Variants in USP32 observed in about 807,000 individuals in gnomAD.
USP32 encodes ubiquitin carboxyl-terminal hydrolase 32.
In USP32, 59 loss-of-function variants were observed where a neutral mutation model predicts 204.8. The ratio of observed to expected loss-of-function variants is 0.29; its 90% CI spans 0.23 to 0.36. The LOEUF (loss-of-function observed/expected upper bound fraction) is 0.36, where lower values mean the gene tolerates loss of function less well. Ranked by LOEUF, USP32 falls within the 10% of genes least tolerant of loss-of-function variation. USP32 has a pLI of 1.00. For synonymous variants in USP32, 517 were observed against 678.4 expected (o/e 0.76, Z 3.70); for missense variants, 1,160 against 1,946.4 (o/e 0.60, Z 7.60).
intron 2 of USP32, among the ~76,000 whole-genome samples, chr17:60,332,279 C>A (rs936719348): frequency 6.6e-6 from 1 of 151,612 alleles, no homozygotes; most frequent in Non-Finnish European, 1.5e-5. Context: ...TACAGTCAAT[C>A]GGTTTTGTCA....
intron 11 of USP32, 64 bp from the exon 12 acceptor site, chr17:60,236,304 A>G: frequency 2.2e-6 from 3 of 1,370,520 alleles, no homozygotes; most frequent in East Asian, 2.3e-5. Flanking sequence ...ACGCACAAAA[A>G]TTATCATTAG....
In USP32 at chr17:60,391,877, C is replaced by A; in HGVS notation, c.58+5G>T. The A allele has an allele frequency of 6.2e-7, 1 of 1,610,366 alleles. No individual in the cohort carries two copies. The highest frequency in any genetic ancestry group is 8.5e-7 in the Non-Finnish European group (1 of 1,178,548). On this transcript the variant is annotated splice_donor_5th_base_variant and intron_variant, in intron 1 of 33. Transcript: ENST00000300896. ...GGCAGCTCGCCCAGACCCCTCCCCC[C>A]TCACCTCTCCTCAGCGCCTCCTCGT...
At chr17:60,309,564 T>C (rs1320596943) in intron 2 of USP32, among the ~76,000 whole-genome samples, 1 of 152,118 alleles carries the variant, frequency 6.6e-6, no homozygotes, top group African/African-American at 2.4e-5. Flanking sequence ...ACTGCACTAC[T>C]GCTCTCCAGT....
chr17:60,299,928 G>T (rs1401433219), intron 3 of USP32, among the ~76,000 whole-genome samples: 1 of 152,014 alleles, frequency 6.6e-6, no homozygotes, highest in Middle Eastern at 3.2e-3. Context: ...TCTCTCTGGG[G>T]CCTCTTTTAT....
intron 5 of USP32, among the ~76,000 whole-genome samples, chr17:60,277,918 CTT>C (rs11422765): frequency 3.8e-4 from 50 of 132,668 alleles, no homozygotes; most frequent in African/African-American, 1.1e-3. Context: ...ATAATAGTTC[CTT>C]TTTTTTTTTT....
chr17:60,296,990 G>C (rs896119418), intron 3 of USP32, among the ~76,000 whole-genome samples: 6 of 152,042 alleles, frequency 3.9e-5, no homozygotes, highest in Admixed American at 2.0e-4. Flanking sequence ...CAACTAACCA[G>C]CATTAAAAAT....
chr17:60,312,435 G>A (rs573580638), intron 2 of USP32, among the ~76,000 whole-genome samples: 25 of 151,816 alleles, frequency 1.6e-4, no homozygotes, highest in South Asian at 1.0e-3. Context: ...TGTCGTTGTC[G>A]TTGTTGTTGA....
intron 11 of USP32, among the ~76,000 whole-genome samples, chr17:60,241,316 T>C (rs1007601162): frequency 5.9e-5 from 9 of 152,142 alleles, no homozygotes; most frequent in Non-Finnish European, 1.0e-4. Flanking sequence ...CACAACTCTA[T>C]AAATAAGGTA....
chr17:60,348,397 G>C (rs78305932), intron 1 of USP32, among the ~76,000 whole-genome samples: 1 of 152,106 alleles, frequency 6.6e-6, no homozygotes, highest in Non-Finnish European at 1.5e-5. Context: ...GAATAGTCAG[G>C]AGAAAAGAAG....
chr17:60,294,146 T>G (rs542659733), intron 4 of USP32, among the ~76,000 whole-genome samples: 1 of 152,276 alleles, frequency 6.6e-6, no homozygotes, highest in South Asian at 2.1e-4. Flanking sequence ...GCTCAAGAGA[T>G]CTTCTCACCT....
intron 12 of USP32, among the ~76,000 whole-genome samples, chr17:60,235,153 C>T (rs2085688505): frequency 6.6e-6 from 1 of 152,166 alleles, no homozygotes; most frequent in African/African-American, 2.4e-5. Flanking sequence ...CAAGACAAAA[C>T]TAGGTTATTC....
upstream of USP32, among the ~76,000 whole-genome samples, chr17:60,392,970 A>G (rs893541886): frequency 2.0e-5 from 3 of 152,096 alleles, no homozygotes; most frequent in East Asian, 3.9e-4. Context: ...GTGGTAAAAT[A>G]TACGTAACAA....
chr17:60,404,629 A>G (rs189672203), intron 1 of USP32, among the ~76,000 whole-genome samples: 11 of 152,306 alleles, frequency 7.2e-5, no homozygotes, highest in Admixed American at 7.2e-4. Flanking sequence ...TCTTGAAGCT[A>G]TGTATGGTTT....
At chr17:60,414,229 G>A (rs138206764) in intron 1 of USP32, among the ~76,000 whole-genome samples, 234 of 151,060 alleles carry the variant, frequency 1.5e-3, no homozygotes, top group African/African-American at 4.8e-3. Context: ...TAGGCATGGT[G>A]GCATAAGCCT....
chr17:60,327,397 A>T (rs2088268047), intron 2 of USP32, among the ~76,000 whole-genome samples: 1 of 120,904 alleles, frequency 8.3e-6, no homozygotes, highest in African/African-American at 3.2e-5. Context: ...ACAGCTGTCA[A>T]TGTGGGTTGG....
rs370316129 is a variant in USP32 at position 60,179,274 on chromosome 17, T to G, written c.4796A>C (p.Lys1599Thr). The G allele has an allele frequency of 1.5e-5, 25 of 1,613,842 alleles. No individual in the cohort carries two copies. The highest frequency in any genetic ancestry group is 2.1e-5 in the Non-Finnish European group (25 of 1,179,850). The change falls in exon 34 of 34, where the codon AAG (lysine) becomes ACG (threonine). Residue 1599 changes from lysine to threonine, a missense_variant. Lys to Thr is a moderately conservative substitution (Grantham distance 78). Around this residue, in one of 8 missense-constraint regions of USP32, gnomAD observed 3 missense variants for 17.0 expected, o/e 0.18. Coordinates refer to ENST00000300896, the MANE Select transcript of USP32 (RefSeq NM_032582.4). Reference protein sequence around the residue: ...MDEDFESDYKKYCVLQ With the variant: ...MDEDFESDYKTYCVLQ ...GTAGCTTTACTGTAACACACAGTAC[T>G]TTTTGTAATCAGACTCAAAGTCTTC... is the stretch of plus-strand genomic sequence containing the variant.
chr17:60,307,067 T>C (rs1235471702), intron 2 of USP32, among the ~76,000 whole-genome samples: 1 of 151,906 alleles, frequency 6.6e-6, no homozygotes, highest in East Asian at 1.9e-4. Flanking sequence ...GTATTCTATG[T>C]TCATGGATTG....
At chr17:60,268,407 TA>T (rs35476884) in intron 7 of USP32, among the ~76,000 whole-genome samples, 40,700 of 138,284 alleles carry the variant, frequency 0.29, 9,377 homozygotes, top group African/African-American at 0.65. Flanking sequence ...TATCTCTATT[TA>T]AAAAAAAAAA....
chr17:60,323,449 G>A (rs1355568005), intron 2 of USP32, among the ~76,000 whole-genome samples: 3 of 152,132 alleles, frequency 2.0e-5, no homozygotes, highest in Admixed American at 6.6e-5. Flanking sequence ...ATATTAGTTG[G>A]CCAAAGGCTG....
Sources: gnomAD v4.1 joint callset for allele counts (sites outside exome capture counted in the v4.1 genomes callset) on GRCh38, gnomAD v4.1.1 for gene constraint, gnomAD v4.1.1 regional missense constraint, MANE v1.5 for transcripts, NCBI Gene and HGNC (gene_info 2026-07-23, HGNC 2026-07-21) for gene names.